The following IRX3 variants were observed in gnomAD, a reference collection of about 807,000 sequenced individuals.
IRX3 encodes the protein iroquois homeobox 3, also known as iroquois-class homeodomain protein IRX-3.
Under a neutral mutation model 36.4 loss-of-function variants are expected in IRX3, and 20 were observed. That is an observed-to-expected ratio of 0.55 (90% CI 0.39 to 0.80). The LOEUF is 0.80. Ranked by LOEUF, IRX3 falls within the 30% of genes least tolerant of loss-of-function variation. The probability of loss-of-function intolerance (pLI) is 0.00; values close to 1 mark genes in which losing one functional copy is unlikely to be tolerated. For synonymous variants in IRX3, 404 were observed against 351.6 expected (o/e 1.15, Z -1.67); for missense variants, 718 against 733.2 (o/e 0.98, Z 0.24).
Position 54,284,909 on chromosome 16 carries a change from C to T in IRX3, c.972G>A (p.Leu324=). ...PPPVAVASPS[L]PSPPVSLDPC... is the part of the protein sequence containing the mutation. The stretch of plus-strand genomic sequence containing the variant: ...GGTCCAGGCTCACGGGGGGCGACGG[C>T]AGAGACGGCGAGGCCACGGCCACTG... Residue 324 remains leucine, a synonymous_variant, in exon 2 of 4, where the codon CTG becomes CTA. Transcript: ENST00000329734. This position sits in a 1 kb window ranked among gnomAD's most constrained non-coding sequence, Gnocchi z 4.0. 6.3e-7 allele frequency: 1 copy of T among 1,582,468 alleles called. No individual in the cohort carries two copies. The highest frequency in any genetic ancestry group is 1.1e-5 in the South Asian group (1 of 87,306).
rs1219637032 is a variant in IRX3 at position 54,286,097 on chromosome 16, G to A, written c.-47C>T. 6.6e-6 allele frequency: 8 copies of A among 1,214,310 alleles called. No individual in the cohort carries two copies. The highest frequency in any genetic ancestry group is 8.3e-6 in the Non-Finnish European group (8 of 969,574). 75.2% of individuals were successfully genotyped at this position (1,214,310 alleles called of 1,614,324 possible). On this transcript the variant is annotated 5_prime_UTR_variant, in exon 1 of 4. Coordinates refer to ENST00000329734, the MANE Select transcript of IRX3 (RefSeq NM_024336.3). ...GGAGAGGGGGGCCGACCCCCGGGCC[G>A]CCCAGCTCAGCGCCGCCCGCGGGCT... is the stretch of plus-strand genomic sequence containing the variant.
In IRX3 at chr16:54,285,156, C is replaced by T. The variant is rs958132177; in HGVS notation, c.725G>A (p.Gly242Asp). 1.2e-6 allele frequency: 2 copies of T among 1,606,394 alleles called. No individual in the cohort carries two copies. The highest frequency in any genetic ancestry group is 1.7e-4 in the Middle Eastern group (1 of 6,050). ...CTCGTCGTCGTCAGCCAGGCCCTCGCCCCCCGTGTCCTCCTCCTCCCCCCC... is the reference window on the plus strand; with the variant it reads ...CTCGTCGTCGTCAGCCAGGCCCTCGTCCCCCGTGTCCTCCTCCTCCCCCCC... Reference protein sequence around the residue: ...ELGGEEEDTGGEGLADDDEDE... With the variant: ...ELGGEEEDTGDEGLADDDEDE... The change falls in exon 2 of 4, where the codon GGC becomes GAC. Residue 242 changes from glycine to aspartate, a missense_variant. By Grantham distance (94) the Gly-to-Asp change is moderately conservative. Transcript: ENST00000329734. The surrounding 1 kb of genome is among the most constrained non-coding windows in gnomAD (Gnocchi z 5.7).
Position 54,284,951 on chromosome 16 carries a change from C to G in IRX3, c.930G>C (p.Leu310=), listed in dbSNP as rs752363516. ...CGGCCACTGGTGGTGGCGCTGGAGC[C>G]AGACTCAGGACCGGTAGTGGCCGGT... ...LEDRPLPVLS[L]APAPPPVAVA... Residue 310 remains leucine (L), a synonymous_variant, in exon 2 of 4, where the codon CTG becomes CTC. Transcript: ENST00000329734. The surrounding 1 kb of genome is among the most constrained non-coding windows in gnomAD (Gnocchi z 4.0). 1.9e-6 allele frequency: 3 copies of G among 1,609,404 alleles called. No homozygotes were observed. The African/African-American group carries it at 4.0e-5, about 22-fold the overall frequency.
In IRX3 at chr16:54,285,290, G is replaced by A. The variant is rs941103298; in HGVS notation, c.591C>T (p.Ser197=). 6.2e-7 allele frequency: 1 copy of A among 1,614,076 alleles called. No individual in the cohort carries two copies. The highest frequency in any genetic ancestry group is 1.3e-5 in the African/African-American group (1 of 75,028). ...KENKMTWAPR[S]RTDEEGNAYG... The stretch of plus-strand genomic sequence containing the variant: ...AAGCGTTTCCCTCCTCGTCAGTGCG[G>A]CTGCGAGGCGCCCAAGTCATCTTAT... Residue 197 remains serine (S), a synonymous_variant, in exon 2 of 4, where the codon AGC becomes AGT. Transcript: ENST00000329734. This position sits in a 1 kb window ranked among gnomAD's most constrained non-coding sequence, Gnocchi z 5.7.
Position 54,284,405 on chromosome 16 carries a change from G to A in IRX3, c.1384+92C>T, listed in dbSNP as rs138585447. 2.1e-6 allele frequency: 3 copies of A among 1,452,376 alleles called. No individual in the cohort carries two copies. Among genetic ancestry groups the A allele is most frequent in the African/African-American group, 1.5e-5 (1 of 66,982 alleles). The allele number at this position is 1,452,376 out of a possible 1,614,324, so 90.0% of individuals were successfully genotyped here. The stretch of plus-strand genomic sequence containing the variant: ...AAAGCAGGAGTGGAGAGGGACGCGC[G>A]CCCTGCGCCCCCCGGGCCCTGCCCC... On this transcript the variant is annotated intron_variant, in intron 2 of 3. Transcript: ENST00000329734. The surrounding 1 kb of genome is among the most constrained non-coding windows in gnomAD (Gnocchi z 4.0).
Position 54,285,839 on chromosome 16 carries a change from T to C in IRX3, c.212A>G (p.Gln71Arg), listed in dbSNP as rs1415226592. ...GTAGGGCAGGAAGGCGCCGTAGCCT[T>C]GGGCGGCGGCGGCCGCAGCGGCCGC... ...YAAAAAAAAA[Q>R]GYGAFLPYAA... is the part of the protein sequence containing the mutation. Residue 71 changes from glutamine to arginine, a missense_variant, in exon 1 of 4, where the codon CAA becomes CGA. By Grantham distance (43) the Gln-to-Arg change is conservative. Transcript: ENST00000329734. This position sits in a 1 kb window ranked among gnomAD's most constrained non-coding sequence, Gnocchi z 5.7. 1 of 1,557,206 alleles carries C rather than the reference T, an allele frequency of 6.4e-7. No individual in the cohort carries two copies. Among genetic ancestry groups the C allele is most frequent in the Admixed American group, 1.9e-5 (1 of 52,642 alleles).
Position 54,285,953 on chromosome 16 carries a change from C to T in IRX3, c.98G>A (p.Arg33Gln). The T allele has an allele frequency of 1.4e-6, 2 of 1,424,230 alleles. No individual in the cohort carries two copies. The highest frequency in any genetic ancestry group is 1.8e-6 in the Non-Finnish European group (2 of 1,088,770). 88.2% of individuals were successfully genotyped at this position (1,424,230 alleles called of 1,614,324 possible). ...CGAGGCTCCGGCACCCAGGCCGCCC[C>T]GGGCCCCCGCGCTGCCGCCGCTGCC... ...AGGSGGSAGARGGLGAGASEL... is the reference protein window; with the variant it reads ...AGGSGGSAGAQGGLGAGASEL... The change falls in exon 1 of 4, where the codon CGG becomes CAG. Residue 33 changes from arginine to glutamine, a missense_variant. By Grantham distance (43) the Arg-to-Gln change is conservative. Transcript: ENST00000329734. This position sits in a 1 kb window ranked among gnomAD's most constrained non-coding sequence, Gnocchi z 5.7.
Position 54,285,279 on chromosome 16 carries a change from TC to T in IRX3, c.601del (p.Glu201ArgfsTer26). ...CTCGCTCCCATAAGCGTTTCCCTCCTCGTCAGTGCGGCTGCGAGGCGCCCAA... is the reference window on the plus strand; with the variant it reads ...CTCGCTCCCATAAGCGTTTCCCTCCTGTCAGTGCGGCTGCGAGGCGCCCAA... ...MTWAPRSRTDEEGNAYGSERE... is the reference protein window; with the variant it reads ...MTWAPRSRTDXEGNAYGSERE... On this transcript the variant is annotated frameshift_variant, in exon 2 of 4. Transcript: ENST00000329734. LOFTEE classifies it high-confidence loss of function. The surrounding 1 kb of genome is among the most constrained non-coding windows in gnomAD (Gnocchi z 5.7). 1 of 1,613,990 alleles carries T rather than the reference TC, an allele frequency of 6.2e-7. No individual in the cohort carries two copies. The highest frequency in any genetic ancestry group is 8.5e-7 in the Non-Finnish European group (1 of 1,180,002).
At position 54,284,749 on chromosome 16, in the gene IRX3, C is replaced by T; in HGVS notation, c.1132G>A (p.Val378Ile). The change falls in exon 2 of 4, where the codon GTC becomes ATC. Residue 378 changes from valine to isoleucine, a missense_variant. Around this residue, in one of 3 missense-constraint regions of IRX3, gnomAD observed 468 missense variants for 462.1 expected, o/e 1.01. Coordinates refer to ENST00000329734, the MANE Select transcript of IRX3 (RefSeq NM_024336.3). This position sits in a 1 kb window ranked among gnomAD's most constrained non-coding sequence, Gnocchi z 4.0. ...GAGGSPPGAA[V>I]APSALQLSPA... ...GAGAGCTGCAGGGCGGAAGGCGCGA[C>T]CGCTGCCCCCGGTGGAGACCCCCCC... 2.1e-6 allele frequency: 3 copies of T among 1,455,768 alleles called. No individual in the cohort carries two copies. Among genetic ancestry groups the T allele is most frequent in the Non-Finnish European group, 2.7e-6 (3 of 1,116,918 alleles). 90.2% of individuals were successfully genotyped at this position (1,455,768 alleles called of 1,614,324 possible). A position where few individuals can be genotyped will look rare whatever the true frequency, so the allele number is the denominator to read the frequency against.
chr16:54,284,297 A>G lies in IRX3; in HGVS notation c.1400T>C (p.Leu467Ser). Residue 467 changes from leucine (L) to serine (S), a missense_variant, in exon 3 of 4, where the codon TTG becomes TCG. By Grantham distance (145) the Leu-to-Ser change is moderately radical. This residue lies in a region of IRX3 where 468 missense variants were observed against 462.1 expected (regional missense o/e 1.01). Transcript: ENST00000329734. The surrounding 1 kb of genome is among the most constrained non-coding windows in gnomAD (Gnocchi z 4.0). ...CTTGAGTAACTTTTTCTCCACTTCCAAGGCACTACAGCGATCTAAGGGAAG... is the reference window on the plus strand; with the variant it reads ...CTTGAGTAACTTTTTCTCCACTTCCGAGGCACTACAGCGATCTAAGGGAAG... ...PEGGTDRCSA[L>S]EVEKKLLKTA... 1 of 1,611,866 alleles carries G rather than the reference A, an allele frequency of 6.2e-7. No individual in the cohort carries two copies. The highest frequency in any genetic ancestry group is 8.5e-7 in the Non-Finnish European group (1 of 1,178,990).
In IRX3 at chr16:54,284,532, G is replaced by C. The variant is rs1175557225; in HGVS notation, c.1349C>G (p.Ala450Gly). 1 of 1,416,596 alleles carries C rather than the reference G, an allele frequency of 7.1e-7. No individual in the cohort carries two copies. The highest frequency in any genetic ancestry group is 1.5e-5 in the African/African-American group (1 of 66,482). The allele number at this position is 1,416,596 out of a possible 1,614,324, so 87.8% of individuals were successfully genotyped here. ...GAAGHPAAAA[A>G]FARPAEPEGG... ...TTCGGGCTCCGCTGGCCGAGCGAAGGCGGCGGCGGCAGCCGGGTGGCCCGC... is the reference window on the plus strand; with the variant it reads ...TTCGGGCTCCGCTGGCCGAGCGAAGCCGGCGGCGGCAGCCGGGTGGCCCGC... The change falls in exon 2 of 4, where the codon GCC becomes GGC. Residue 450 changes from alanine to glycine, a missense_variant. Physicochemically the swap from Ala to Gly is moderately conservative, Grantham distance 60. This residue lies in a region of IRX3 where 468 missense variants were observed against 462.1 expected (regional missense o/e 1.01). Coordinates refer to ENST00000329734, the MANE Select transcript of IRX3 (RefSeq NM_024336.3). This position sits in a 1 kb window ranked among gnomAD's most constrained non-coding sequence, Gnocchi z 4.0.
In IRX3 at chr16:54,285,365, G is replaced by A. The variant is rs746603711; in HGVS notation, c.516C>T (p.Thr172=). 1.6e-5 allele frequency: 26 copies of A among 1,614,068 alleles called. 1 individual carries two copies. In the South Asian group the frequency reaches 2.9e-4, roughly 18 times the overall value. ...MLAIITKMTL[T]QVSTWFANAR... is the part of the protein sequence containing the mutation. The stretch of plus-strand genomic sequence containing the variant: ...CGTTGGCGAACCAGGTGGACACCTG[G>A]GTGAGGGTCATCTTGGTGATGATGG... Residue 172 remains threonine, a synonymous_variant, in exon 2 of 4, where the codon ACC becomes ACT. Coordinates refer to ENST00000329734, the MANE Select transcript of IRX3 (RefSeq NM_024336.3). This position sits in a 1 kb window ranked among gnomAD's most constrained non-coding sequence, Gnocchi z 5.7.
In IRX3 at chr16:54,284,885, G is replaced by C. The variant is rs752310447; in HGVS notation, c.996C>G (p.Asp332Glu). 6.4e-7 allele frequency: 1 copy of C among 1,567,398 alleles called. No homozygotes were observed. The highest frequency in any genetic ancestry group is 1.9e-5 in the Admixed American group (1 of 52,228). ...PSLPSPPVSL[D>E]PCAPAPAPAS... is the part of the protein sequence containing the mutation. ...CGGGGGCTGGTGCGGGAGCGCAGGGGTCCAGGCTCACGGGGGGCGACGGCA... is the reference window on the plus strand; with the variant it reads ...CGGGGGCTGGTGCGGGAGCGCAGGGCTCCAGGCTCACGGGGGGCGACGGCA... The change falls in exon 2 of 4, where the codon GAC (aspartate) becomes GAG (glutamate). Residue 332 changes from aspartate to glutamate, a missense_variant. Asp to Glu is a conservative substitution (Grantham distance 45). This residue lies in a region of IRX3 where 468 missense variants were observed against 462.1 expected (regional missense o/e 1.01). Coordinates refer to ENST00000329734, the MANE Select transcript of IRX3 (RefSeq NM_024336.3). The surrounding 1 kb of genome is among the most constrained non-coding windows in gnomAD (Gnocchi z 4.0).
Position 54,285,554 on chromosome 16 carries a change from C to A in IRX3, c.327G>T (p.Ala109=). ...AGAAGGCGGGGTGCGGGTGCGGAAA[C>A]GCGGCAGCCGCGGCCGGATGCTGCA... ...PGVQHPAAAA[A]FPHPHPAFYP... is the part of the protein sequence containing the mutation. Residue 109 remains alanine (A), a synonymous_variant, in exon 2 of 4, where the codon GCG becomes GCT. Transcript: ENST00000329734. This position sits in a 1 kb window ranked among gnomAD's most constrained non-coding sequence, Gnocchi z 5.7. 6.3e-7 allele frequency: 1 copy of A among 1,596,440 alleles called. No homozygotes were observed. The highest frequency in any genetic ancestry group is 1.1e-5 in the South Asian group (1 of 89,220).
rs1901336702 is a variant in IRX3, at chr16:54,286,199, T to C, written c.-149A>G. The C allele has an allele frequency of 3.9e-6, 4 of 1,027,716 alleles. No homozygotes were observed. The highest frequency in any genetic ancestry group is 4.7e-6 in the Non-Finnish European group (4 of 857,398). 63.7% of individuals were successfully genotyped at this position (1,027,716 alleles called of 1,614,324 possible). On this transcript the variant is annotated 5_prime_UTR_variant, in exon 1 of 4. Coordinates refer to ENST00000329734, the MANE Select transcript of IRX3 (RefSeq NM_024336.3). ...CTGCGCTGTGCTCCGCGTTCGCCTATTGATCTGCTCCGCGGCGGCGACGGC... is the reference window on the plus strand; with the variant it reads ...CTGCGCTGTGCTCCGCGTTCGCCTACTGATCTGCTCCGCGGCGGCGACGGC...
At position 54,285,317 on chromosome 16, in the gene IRX3, C is replaced by G; in HGVS notation, c.564G>C (p.Glu188Asp). Reference protein sequence around the residue: ...FANARRRLKKENKMTWAPRSR... With the variant: ...FANARRRLKKDNKMTWAPRSR... The stretch of plus-strand genomic sequence containing the variant: ...TGCGAGGCGCCCAAGTCATCTTATT[C>G]TCCTTCTTGAGGCGCCGGCGCGCGT... The change falls in exon 2 of 4, where the codon GAG (glutamate) becomes GAC (aspartate). Residue 188 changes from glutamate to aspartate, a missense_variant. By Grantham distance (45) the Glu-to-Asp change is conservative. Transcript: ENST00000329734. This position sits in a 1 kb window ranked among gnomAD's most constrained non-coding sequence, Gnocchi z 5.7. 1 of 1,614,188 alleles carries G rather than the reference C, an allele frequency of 6.2e-7. No homozygotes were observed. Among genetic ancestry groups the G allele is most frequent in the Admixed American group, 1.7e-5 (1 of 60,034 alleles).
In IRX3 at chr16:54,283,389, T is replaced by A. The variant is rs1901220136; in HGVS notation, c.*297A>T. ...TTTGGTTCACACATATGTACATTTCTCTGTATATATACACACACACAAAGG... is the reference window on the plus strand; with the variant it reads ...TTTGGTTCACACATATGTACATTTCACTGTATATATACACACACACAAAGG... On this transcript the variant is annotated 3_prime_UTR_variant, in exon 4 of 4. Transcript: ENST00000329734. This position sits in a 1 kb window ranked among gnomAD's most constrained non-coding sequence, Gnocchi z 4.4. The A allele has an allele frequency of 7.4e-6, 2 of 268,496 alleles. No homozygotes were observed. Among genetic ancestry groups the A allele is most frequent in the Non-Finnish European group, 1.5e-5 (2 of 137,608 alleles). The allele number at this position is 268,496 out of a possible 1,614,324, so 16.6% of individuals were successfully genotyped here.
chr16:54,284,204 G>A lies in IRX3; in HGVS notation c.1451+42C>T, dbSNP rs763915415. On this transcript the variant is annotated intron_variant, in intron 3 of 3. Transcript: ENST00000329734. The surrounding 1 kb of genome is among the most constrained non-coding windows in gnomAD (Gnocchi z 4.0). ...GTGCTCGGCGTCCTCTCCTTTCCCC[G>A]CCAGCCAGTCCCCCTGGCCCCTCAA... The A allele has an allele frequency of 1.3e-6, 2 of 1,571,042 alleles. No homozygotes were observed. Among genetic ancestry groups the A allele is most frequent in the South Asian group, 1.1e-5 (1 of 88,754 alleles).
At position 54,283,863 on chromosome 16, in the gene IRX3, T is replaced by A. The variant is rs988275610; in HGVS notation, c.1452-123A>T. On this transcript the variant is annotated intron_variant, in intron 3 of 3. Transcript: ENST00000329734. This position sits in a 1 kb window ranked among gnomAD's most constrained non-coding sequence, Gnocchi z 4.4. Reference sequence around the variant, plus strand: ...AGGAAGGTGTCGCAATGTAAAATTATGTCCAGTTGTAGATGTGTGTGTTGG... The same window carrying A: ...AGGAAGGTGTCGCAATGTAAAATTAAGTCCAGTTGTAGATGTGTGTGTTGG... The A allele has an allele frequency of 6.5e-7, 1 of 1,538,352 alleles. No individual in the cohort carries two copies. The highest frequency in any genetic ancestry group is 1.4e-5 in the African/African-American group (1 of 72,384).
Sources: allele counts gnomAD v4.1 joint callset, GRCh38; gene constraint gnomAD v4.1.1; regional missense constraint gnomAD v4.1.1; non-coding constraint Gnocchi (gnomAD v3.1); transcripts MANE v1.5; gene names NCBI Gene and HGNC (gene_info 2026-07-23, HGNC 2026-07-21).